Variants in LSAMP observed in about 807,000 individuals in gnomAD.
LSAMP encodes limbic system associated membrane protein.
Under a neutral mutation model 38.6 loss-of-function variants are expected in LSAMP, and 7 were observed. The ratio of observed to expected loss-of-function variants is 0.18; its 90% confidence interval spans 0.10 to 0.34. The LOEUF (loss-of-function observed/expected upper bound fraction) is 0.34, where lower values mean the gene tolerates loss of function less well. Among genes scored for constraint, LSAMP ranks in the 10% least tolerant of loss-of-function variants. The pLI is 1.00. For missense variants in LSAMP, 313 were observed against 420.0 expected, an observed-to-expected ratio of 0.75 and a Z score of 2.23; for synonymous variants, 154 against 166.8, an observed-to-expected ratio of 0.92 and a Z score of 0.59.
At chr3:115,860,919 G>C (rs1430268656) in intron 3 of LSAMP, among the ~76,000 whole-genome samples, 1 of 152,118 alleles carries the variant, frequency 6.6e-6, no homozygotes, top group Non-Finnish European at 1.5e-5. Context: ...GGGATGTGAC[G>C]GGTGGTTTGA....
intron 3 of LSAMP, among the ~76,000 whole-genome samples, chr3:115,986,624 T>A (rs1394834598): frequency 6.6e-6 from 1 of 151,438 alleles, no homozygotes; most frequent in African/African-American, 2.4e-5. Context: ...CCACTTCAGA[T>A]GTGATTAAGG....
chr3:116,169,718 T>C (rs892212579), intron 1 of LSAMP, among the ~76,000 whole-genome samples: 2 of 152,240 alleles, frequency 1.3e-5, no homozygotes, highest in African/African-American at 2.4e-5. Context: ...CTTATTTTCT[T>C]AAATTCATTT....
chr3:116,127,866 T>C (rs1354872201), intron 1 of LSAMP, among the ~76,000 whole-genome samples: 1 of 152,080 alleles, frequency 6.6e-6, no homozygotes, highest in African/African-American at 2.4e-5. Context: ...ACATTTACCC[T>C]GAAACCACTA....
At chr3:116,258,483 G>A (rs1357787312) in intron 1 of LSAMP, among the ~76,000 whole-genome samples, 1 of 151,840 alleles carries the variant, frequency 6.6e-6, no homozygotes, top group African/African-American at 2.4e-5. Context: ...TAAACAGAAT[G>A]TCAGGGATGA....
At chr3:115,969,390 C>G (rs72957743) in intron 3 of LSAMP, among the ~76,000 whole-genome samples, 3,363 of 152,264 alleles carry the variant, frequency 0.022, 112 homozygotes, top group African/African-American at 0.075. Context: ...TGAAGTGAAT[C>G]TGTCTCTAGG....
At chr3:116,417,348 C>A (rs939523792) in intron 1 of LSAMP, among the ~76,000 whole-genome samples, 1 of 152,138 alleles carries the variant, frequency 6.6e-6, no homozygotes, top group African/African-American at 2.4e-5. Flanking sequence ...ACGTGGAAAC[C>A]CATTTGGGAT....
intron 2 of LSAMP, among the ~76,000 whole-genome samples, chr3:116,051,466 T>C (rs973391912): frequency 2.6e-5 from 4 of 152,198 alleles, no homozygotes; most frequent in African/African-American, 9.7e-5. Context: ...CTCCAAATGA[T>C]TGAATTTTTC....
At chr3:116,312,880 AG>A (rs2047576244) in intron 1 of LSAMP, among the ~76,000 whole-genome samples, 1 of 152,154 alleles carries the variant, frequency 6.6e-6, no homozygotes, top group Non-Finnish European at 1.5e-5. Context: ...CTTCATCTGT[AG>A]ACACATATCT....
intron 1 of LSAMP, among the ~76,000 whole-genome samples, chr3:116,252,231 C>T (rs756351436): frequency 1.3e-5 from 2 of 152,170 alleles, no homozygotes; most frequent in Non-Finnish European, 2.9e-5. Context: ...GTTAAGGCCA[C>T]ATTGATGGTA....
intron 1 of LSAMP, among the ~76,000 whole-genome samples, chr3:116,171,696 C>T (rs981730329): frequency 6.6e-6 from 1 of 152,140 alleles, no homozygotes; most frequent in East Asian, 1.9e-4. Flanking sequence ...CTGGGCCCTT[C>T]TGTCCTCTGA....
intron 3 of LSAMP, among the ~76,000 whole-genome samples, chr3:115,950,137 G>C (rs57471522): frequency 0.02 from 2,995 of 149,566 alleles, 96 homozygotes; most frequent in African/African-American, 0.072. Flanking sequence ...ATACTGAATG[G>C]AGAAAAGTTG....
chr3:115,854,147 G>C (rs1576150631), intron 3 of LSAMP, among the ~76,000 whole-genome samples: 1 of 151,408 alleles, frequency 6.6e-6, no homozygotes, highest in Non-Finnish European at 1.5e-5. Flanking sequence ...AAACAGGCAA[G>C]AGTAATATAA....
intron 3 of LSAMP, among the ~76,000 whole-genome samples, chr3:115,979,749 G>A (rs926100632): frequency 5.3e-5 from 8 of 152,052 alleles, no homozygotes; most frequent in Non-Finnish European, 8.8e-5. Flanking sequence ...CATACATCAA[G>A]TTTCTCTCCT....
chr3:116,112,047 C>A (rs996501840), intron 1 of LSAMP, among the ~76,000 whole-genome samples: 3 of 152,202 alleles, frequency 2.0e-5, no homozygotes, highest in Non-Finnish European at 4.4e-5. Context: ...TTAACCTGGA[C>A]AGAAGCCATG....
chr3:116,360,123 A>T (rs955975386), intron 1 of LSAMP: 2 of 148,516 alleles, frequency 1.3e-5, no homozygotes, highest in African/African-American at 5.1e-5. Context: ...AGGGAGTGCC[A>T]GACAGTGGGC....
At chr3:116,340,236 T>G (rs1433775624) in intron 1 of LSAMP, among the ~76,000 whole-genome samples, 1 of 152,052 alleles carries the variant, frequency 6.6e-6, no homozygotes, top group East Asian at 1.9e-4. Context: ...TAATAAAGAT[T>G]AAAAGTGGCA....
intron 3 of LSAMP, among the ~76,000 whole-genome samples, chr3:115,911,946 A>T (rs906635811): frequency 9.9e-5 from 15 of 152,188 alleles, no homozygotes; most frequent in Non-Finnish European, 1.9e-4. Context: ...GATGTTAAAC[A>T]TCTTTTACTT....
At chr3:115,819,244 C>A (rs1189059038) in intron 6 of LSAMP, among the ~76,000 whole-genome samples, 1 of 151,894 alleles carries the variant, frequency 6.6e-6, no homozygotes, top group African/African-American at 2.4e-5. Context: ...AGGAGTTCGA[C>A]CAACACAGTG....
At chr3:116,046,396 A>T (rs992806024) in intron 2 of LSAMP, among the ~76,000 whole-genome samples, 1 of 152,228 alleles carries the variant, frequency 6.6e-6, no homozygotes, top group Non-Finnish European at 1.5e-5. Flanking sequence ...TTTGGAAAAA[A>T]GAAACAGGAA....
Sources: gnomAD v4.1 joint callset for allele counts (sites outside exome capture counted in the v4.1 genomes callset) on GRCh38, gnomAD v4.1.1 for gene constraint, MANE v1.5 for transcripts, NCBI Gene and HGNC (gene_info 2026-07-23, HGNC 2026-07-21) for gene names.